GABBR2: variants seen among roughly 807,000 people sequenced by gnomAD.
The protein encoded by GABBR2 is G-protein coupled receptor 51.
A neutral mutation model predicts 105.6 loss-of-function variants in GABBR2; 23 were observed. The ratio of observed to expected loss-of-function variants is 0.22; its 90% CI spans 0.16 to 0.31. The LOEUF (loss-of-function observed/expected upper bound fraction) is 0.31, where lower values mean the gene tolerates loss of function less well. Among genes scored for constraint, GABBR2 ranks in the 10% least tolerant of loss-of-function variants. The pLI, the probability that GABBR2 is intolerant of heterozygous loss-of-function variation, is 1.00. For synonymous variants in GABBR2, 478 were observed against 499.7 expected (o/e 0.96, Z 0.58); for missense variants, 734 against 1,245.5 (o/e 0.59, Z 6.18).
chr9:98,480,078 A>G (rs1211117880), intron 5 of GABBR2, among the ~76,000 whole-genome samples: 1 of 152,190 alleles, frequency 6.6e-6, no homozygotes, highest in Non-Finnish European at 1.5e-5. Flanking sequence ...TACTGACAAA[A>G]AGATCAGAGA....
At chr9:98,490,345 A>T (rs756110076) in intron 4 of GABBR2, among the ~76,000 whole-genome samples, 1 of 152,274 alleles carries the variant, frequency 6.6e-6, no homozygotes, top group East Asian at 1.9e-4. Flanking sequence ...GATTTCTGTA[A>T]AAGTAGGGCA....
rs1828227442 is a variant in GABBR2 at position 98,538,594 on chromosome 9, G to A, written c.630+3279C>T. ...GCTCACAGGAGCAGCTGGTCCCCAG[G>A]TGGGATGGCCCTCAGCCTTCTACCC... On this transcript the variant is annotated intron_variant, in intron 3 of 18. Transcript: ENST00000259455. The A allele has an allele frequency of 3.0e-6, 3 of 984,476 alleles. No individual in the cohort carries two copies. The South Asian group carries it at 1.4e-4, about 46-fold the overall frequency. 61.0% of individuals were successfully genotyped at this position (984,476 alleles called of 1,614,324 possible). A position where few individuals can be genotyped will look rare whatever the true frequency, so the allele number is the denominator to read the frequency against.
chr9:98,322,571 A>G (rs1418573994), intron 13 of GABBR2, among the ~76,000 whole-genome samples: 3 of 151,132 alleles, frequency 2.0e-5, no homozygotes, highest in African/African-American at 7.3e-5. Flanking sequence ...TCCGGGCCCC[A>G]TGATCCTGGC....
intron 1 of GABBR2, among the ~76,000 whole-genome samples, chr9:98,664,324 T>C: frequency 6.6e-6 from 1 of 152,314 alleles, no homozygotes; most frequent in East Asian, 1.9e-4. Flanking sequence ...CAGCCTAGCC[T>C]CTTCAAAAAC....
intron 1 of GABBR2, among the ~76,000 whole-genome samples, chr9:98,674,386 G>T (rs1333307827): frequency 6.6e-6 from 1 of 152,160 alleles, no homozygotes; most frequent in Non-Finnish European, 1.5e-5. Flanking sequence ...GGTGCCATAG[G>T]ATCCTTCACC....
At chr9:98,321,469 G>A (rs1830821419) in intron 13 of GABBR2, among the ~76,000 whole-genome samples, 2 of 152,190 alleles carry the variant, frequency 1.3e-5, no homozygotes, top group South Asian at 2.1e-4. Flanking sequence ...CATCAGGGTG[G>A]CATTGCCCGG....
intron 7 of GABBR2, among the ~76,000 whole-genome samples, chr9:98,445,571 G>T (rs1826112240): frequency 6.6e-6 from 1 of 152,254 alleles, no homozygotes; most frequent in African/African-American, 2.4e-5. Context: ...AGAAGAAAAA[G>T]GAAGAGGCCA....
Position 98,394,288 on chromosome 9 carries a change from C to A in GABBR2, c.1298-33G>T, listed in dbSNP as rs763933174. ...GAGCAAAAGACAGTGGCCAGTTAGA[C>A]TGGGATCTGGGTTTGTGTCTGGGTG... On this transcript the variant is annotated intron_variant, in intron 8 of 18. Coordinates refer to ENST00000259455, the MANE Select transcript of GABBR2 (RefSeq NM_005458.8). 1.3e-5 allele frequency: 20 copies of A among 1,494,748 alleles called. No individual in the cohort carries two copies. In the East Asian group the frequency reaches 4.5e-4, roughly 34 times the overall value. 92.6% of individuals were successfully genotyped at this position (1,494,748 alleles called of 1,614,324 possible). A position where few individuals can be genotyped will look rare whatever the true frequency, so the allele number is the denominator to read the frequency against.
intron 7 of GABBR2, among the ~76,000 whole-genome samples, chr9:98,441,632 G>A (rs1476457284): frequency 6.6e-6 from 1 of 152,222 alleles, no homozygotes; most frequent in Non-Finnish European, 1.5e-5. Flanking sequence ...CTCCCAAAGT[G>A]CTGGGATTAC....
rs1564075475 is a variant in GABBR2 at position 98,454,167 on chromosome 9, C to T, written c.1050G>A (p.Gly350=). ...AGGCGTACCCGTGGAACTTGCTGGG[C>T]CCCACGCCTGACCGCTTGTTGTTGT... ...REYNNKRSGV[G]PSKFHGYAYD... is the part of the protein sequence containing the mutation. The change falls in exon 7 of 19, where the codon GGG becomes GGA. Residue 350 remains glycine (G), a synonymous_variant. Transcript: ENST00000259455. This position sits in a 1 kb window ranked among gnomAD's most constrained non-coding sequence, Gnocchi z 4.6. 1 of 1,614,072 alleles carries T rather than the reference C, an allele frequency of 6.2e-7. No homozygotes were observed. Among genetic ancestry groups the T allele is most frequent in the South Asian group, 1.1e-5 (1 of 91,068 alleles).
At chr9:98,370,061 C>A (rs1049276620) in intron 12 of GABBR2, among the ~76,000 whole-genome samples, 3 of 152,022 alleles carry the variant, frequency 2.0e-5, no homozygotes, top group African/African-American at 7.2e-5. Flanking sequence ...GACTGGCCAG[C>A]TGCTCTGAGG....
At chr9:98,651,632 A>G (rs1830107145) in intron 1 of GABBR2, among the ~76,000 whole-genome samples, 1 of 151,154 alleles carries the variant, frequency 6.6e-6, no homozygotes. Flanking sequence ...GGGTCTCGCT[A>G]TGTTTTCCAG....
rs189974169 is a variant in GABBR2, at chr9:98,517,831, C to T, written c.631-21317G>A. Among the ~76,000 whole-genome samples, 91 of 152,144 alleles carry T rather than the reference C, an allele frequency of 6.0e-4. 1 individual carries two copies. Among genetic ancestry groups the T allele is most frequent in the East Asian group, 4.7e-3 (24 of 5,156 alleles). On this transcript the variant is annotated intron_variant, in intron 3 of 18. Coordinates refer to ENST00000259455, the MANE Select transcript of GABBR2 (RefSeq NM_005458.8). Reference sequence around the variant, plus strand: ...AGGAGTCAGAAGACCAATGAGAACCCAGTGGGAGTCAGAGGGCCAATGGGA... The same window carrying T: ...AGGAGTCAGAAGACCAATGAGAACCTAGTGGGAGTCAGAGGGCCAATGGGA...
chr9:98,672,290 T>C (rs1185127417), intron 1 of GABBR2, among the ~76,000 whole-genome samples: 2 of 152,232 alleles, frequency 1.3e-5, no homozygotes, highest in East Asian at 3.8e-4. Context: ...AAATCTCATA[T>C]AAGTGAAGTC....
intron 3 of GABBR2, among the ~76,000 whole-genome samples, chr9:98,517,681 C>T (rs1212497075): frequency 6.6e-6 from 1 of 152,240 alleles, no homozygotes; most frequent in Admixed American, 6.5e-5. Context: ...TTGCTTTCAT[C>T]CACATGCGCC....
At chr9:98,533,931 T>C (rs1332745448) in intron 3 of GABBR2, among the ~76,000 whole-genome samples, 1 of 151,494 alleles carries the variant, frequency 6.6e-6, no homozygotes, top group African/African-American at 2.4e-5. Flanking sequence ...TTGTTCCTGC[T>C]CAGAGCAGCA....
At chr9:98,573,328 G>T (rs374389731) in intron 2 of GABBR2, among the ~76,000 whole-genome samples, 1 of 152,010 alleles carries the variant, frequency 6.6e-6, no homozygotes, top group East Asian at 1.9e-4. Flanking sequence ...TTTCGCCCAG[G>T]CAGGAGTGCA....
intron 10 of GABBR2, among the ~76,000 whole-genome samples, chr9:98,386,135 C>A (rs558823783): frequency 3.9e-5 from 6 of 152,162 alleles, no homozygotes; most frequent in African/African-American, 1.4e-4. Flanking sequence ...TCACCTATTA[C>A]TTCCCAAGGG....
At chr9:98,628,030 G>A (rs1427946815) in intron 1 of GABBR2, among the ~76,000 whole-genome samples, 1 of 152,138 alleles carries the variant, frequency 6.6e-6, no homozygotes, top group Non-Finnish European at 1.5e-5. Flanking sequence ...AATCAGATAA[G>A]GACACATCTC....
Sources: allele counts gnomAD v4.1 joint callset (sites outside exome capture counted in the v4.1 genomes callset), GRCh38; gene constraint gnomAD v4.1.1; non-coding constraint Gnocchi (gnomAD v3.1); transcripts MANE v1.5; gene names NCBI Gene and HGNC (gene_info 2026-07-23, HGNC 2026-07-21).